Variants in ASH1L observed in about 807,000 individuals in gnomAD.
ASH1L encodes the protein ASH1 like histone lysine methyltransferase.
A neutral mutation model predicts 269.0 loss-of-function variants in ASH1L; 23 were observed. That is an observed-to-expected ratio of 0.09 (90% CI 0.06 to 0.12). The LOEUF (loss-of-function observed/expected upper bound fraction) is 0.12. Among genes scored for constraint, ASH1L ranks in the 10% least tolerant of loss-of-function variants. ASH1L has a pLI of 1.00. For missense variants in ASH1L, 2,912 were observed against 3,567.8 expected, an observed-to-expected ratio of 0.82 and a Z score of 4.68; for synonymous variants, 1,187 against 1,253.5, an observed-to-expected ratio of 0.95 and a Z score of 1.12.
chr1:155,460,697 T>C (rs997295682), intron 3 of ASH1L, among the ~76,000 whole-genome samples: 4 of 152,172 alleles, frequency 2.6e-5, no homozygotes, highest in Admixed American at 2.0e-4. Flanking sequence ...TTTTCTTCCT[T>C]TTGCAAATTC....
chr1:155,441,765 CTTTTT>C (rs543915802), intron 4 of ASH1L, among the ~76,000 whole-genome samples: 1 of 125,454 alleles, frequency 8.0e-6, no homozygotes, highest in Non-Finnish European at 1.7e-5. Context: ...TGCGCCTGGC[CTTTTT>C]TTTTTTTTTT....
chr1:155,471,841 T>C (rs1665124118), intron 3 of ASH1L, among the ~76,000 whole-genome samples: 2 of 152,250 alleles, frequency 1.3e-5, no homozygotes, highest in African/African-American at 4.8e-5. Context: ...TGCAGTCTCA[T>C]GATGAACTCT....
chr1:155,429,930 C>T (rs1165246077), intron 5 of ASH1L, among the ~76,000 whole-genome samples: 2 of 151,998 alleles, frequency 1.3e-5, no homozygotes, highest in East Asian at 1.9e-4. Context: ...CTCAGCCTCC[C>T]TAGTAGCTGG....
At chr1:155,521,064 T>G (rs779215601) in intron 2 of ASH1L, 36 bp downstream of exon 2, 3 of 1,530,234 alleles carry the variant, frequency 2.0e-6, no homozygotes, top group Non-Finnish European at 2.6e-6. Flanking sequence ...ATGAAAATAT[T>G]GTCAATAACC....
intron 13 of ASH1L, among the ~76,000 whole-genome samples, chr1:155,359,643 C>T (rs1654761300): frequency 1.3e-5 from 2 of 152,078 alleles, no homozygotes; most frequent in African/African-American, 4.8e-5. Flanking sequence ...TGGCGTGGTC[C>T]TGGCTCACTG....
chr1:155,502,705 A>T (rs1323273085), intron 2 of ASH1L, among the ~76,000 whole-genome samples: 1 of 152,244 alleles, frequency 6.6e-6, no homozygotes, highest in Non-Finnish European at 1.5e-5. Context: ...GGAACGTTTC[A>T]CAGAATTGGG....
In ASH1L at chr1:155,479,282, G is replaced by C; in HGVS notation, c.3588C>G (p.Thr1196=). Residue 1196 remains threonine (T), a synonymous_variant, in exon 3 of 28, where the codon ACC becomes ACG. Transcript: ENST00000392403. Reference sequence around the variant, plus strand: ...TTCCAATTCCACTATCACTGGGAATGGTCTCATCACTATGAGACTCACTGA... The same window carrying C: ...TTCCAATTCCACTATCACTGGGAATCGTCTCATCACTATGAGACTCACTGA... ...SPISESHSDE[T]IPSDSGIGTD... The C allele has an allele frequency of 6.2e-7, 1 of 1,613,938 alleles. No homozygotes were observed. Among genetic ancestry groups the C allele is most frequent in the African/African-American group, 1.3e-5 (1 of 74,984 alleles).
intron 1 of ASH1L, among the ~76,000 whole-genome samples, chr1:155,522,120 G>T (rs1192531188): frequency 6.6e-6 from 1 of 152,002 alleles, no homozygotes; most frequent in African/African-American, 2.4e-5. Context: ...ATTTAAACAC[G>T]CTATGTACCT....
chr1:155,424,365 C>G (rs904193512), intron 5 of ASH1L, among the ~76,000 whole-genome samples: 1 of 151,784 alleles, frequency 6.6e-6, no homozygotes, highest in Admixed American at 6.6e-5. Flanking sequence ...GCAATAACAA[C>G]AAGAGGTGGC....
Position 155,478,644 on chromosome 1 carries a change from T to C in ASH1L, c.4226A>G (p.Tyr1409Cys), listed in dbSNP as rs781430604. Residue 1409 changes from tyrosine (Y) to cysteine (C), a missense_variant, in exon 3 of 28, where the codon TAT becomes TGT. By Grantham distance (194) the Tyr-to-Cys change is radical (BLOSUM62 -2). Coordinates refer to ENST00000392403, the MANE Select transcript of ASH1L (RefSeq NM_018489.3). The surrounding 1 kb of genome is among the most constrained non-coding windows in gnomAD (Gnocchi z 4.6). ...GYYGRYPPTL[Y>C]PPPPSPSFTT... The stretch of plus-strand genomic sequence containing the variant: ...GAAAGAAGGAGATGGAGGAGGTGGA[T>C]AAAGAGTGGGAGGATACCTTCCATA... 1 of 1,613,786 alleles carries C rather than the reference T, an allele frequency of 6.2e-7. No individual in the cohort carries two copies. The highest frequency in any genetic ancestry group is 1.7e-5 in the Admixed American group (1 of 59,978).
chr1:155,339,432 G>A, intron 25 of ASH1L, 64 bp from the exon 26 acceptor site: 1 of 1,499,134 alleles, frequency 6.7e-7, no homozygotes, highest in Non-Finnish European at 9.3e-7. Flanking sequence ...CTCTTCTCTG[G>A]GGCCAGTCAG....
chr1:155,465,837 C>T (rs866746466), intron 3 of ASH1L, among the ~76,000 whole-genome samples: 21 of 151,814 alleles, frequency 1.4e-4, no homozygotes, highest in African/African-American at 3.9e-4. Flanking sequence ...TTTTTTTGTT[C>T]CCAGATTCAA....
intron 4 of ASH1L, among the ~76,000 whole-genome samples, chr1:155,449,773 C>A (rs527318713): frequency 6.6e-6 from 1 of 152,278 alleles, no homozygotes; most frequent in South Asian, 2.1e-4. Flanking sequence ...CCCGTCTCAG[C>A]TTCCCAAAGT....
intron 1 of ASH1L, among the ~76,000 whole-genome samples, chr1:155,547,518 G>GT (rs969354022): frequency 4.6e-5 from 7 of 152,042 alleles, no homozygotes; most frequent in African/African-American, 7.2e-5. Flanking sequence ...GAGGTCAGGA[G>GT]TTTGAGACCA....
In ASH1L at chr1:155,562,198, G is replaced by A. The variant is rs1221827601; in HGVS notation, c.-145C>T. ...AGGCCGAGAGCGATGAGAGTGCAGG[G>A]AAGTGGGGAAGAGGGGGTGGCCGCC... is the stretch of plus-strand genomic sequence containing the variant. On this transcript the variant is annotated 5_prime_UTR_variant, in exon 1 of 28. Coordinates refer to ENST00000392403, the MANE Select transcript of ASH1L (RefSeq NM_018489.3). 11 of 1,608,096 alleles carry A rather than the reference G, an allele frequency of 6.8e-6. No individual in the cohort carries two copies. Among genetic ancestry groups the A allele is most frequent in the African/African-American group, 5.3e-5 (4 of 74,826 alleles).
intron 10 of ASH1L, 53 bp downstream of exon 10, chr1:155,378,228 T>C (rs1656636355): frequency 7.2e-7 from 1 of 1,387,528 alleles, no homozygotes; most frequent in East Asian, 2.3e-5. Context: ...AAAGGAAGTG[T>C]TGTATGTATA....
chr1:155,459,786 A>G lies in ASH1L; in HGVS notation c.5086+11T>C, dbSNP rs762010837. On this transcript the variant is annotated intron_variant, in intron 4 of 27. Transcript: ENST00000392403. Reference sequence around the variant, plus strand: ...CTATCTTGAAAATCTGGTAAAACAAATAGCACTAGCCTGTTGAAGAAGTAC... The same window carrying G: ...CTATCTTGAAAATCTGGTAAAACAAGTAGCACTAGCCTGTTGAAGAAGTAC... 6.2e-7 allele frequency: 1 copy of G among 1,601,238 alleles called. No homozygotes were observed. The highest frequency in any genetic ancestry group is 1.1e-5 in the South Asian group (1 of 90,016).
chr1:155,348,899 A>ATATAT (rs56051732), intron 19 of ASH1L, among the ~76,000 whole-genome samples: 3 of 132,670 alleles, frequency 2.3e-5, no homozygotes, highest in African/African-American at 8.7e-5. Context: ...AAAAAAAAAA[A>ATATAT]ATATATATAT....
chr1:155,448,698 T>C (rs1159194406), intron 4 of ASH1L, among the ~76,000 whole-genome samples: 2 of 152,038 alleles, frequency 1.3e-5, no homozygotes, highest in Non-Finnish European at 2.9e-5. Flanking sequence ...GGTTTCACCA[T>C]GTTGGTCAGG....
Sources: gnomAD v4.1 joint callset for allele counts (sites outside exome capture counted in the v4.1 genomes callset) on GRCh38, gnomAD v4.1.1 for gene constraint, Gnocchi (gnomAD v3.1) non-coding constraint, MANE v1.5 for transcripts, NCBI Gene and HGNC (gene_info 2026-07-23, HGNC 2026-07-21) for gene names.